CCSER1: variants seen among roughly 807,000 people sequenced by gnomAD.
CCSER1 encodes coiled-coil serine rich protein 1.
A neutral mutation model predicts 82.0 loss-of-function variants in CCSER1; 41 were observed. That is an observed-to-expected ratio of 0.50 (90% CI 0.39 to 0.65). The LOEUF is 0.65. Ranked by LOEUF, CCSER1 falls within the 30% of genes least tolerant of loss-of-function variation. CCSER1 has a pLI of 0.00. For synonymous variants in CCSER1, 414 were observed against 383.9 expected (o/e 1.08, Z -0.92); for missense variants, 1,119 against 1,064.2 (o/e 1.05, Z -0.72).
intron 5 of CCSER1, among the ~76,000 whole-genome samples, chr4:90,511,188 G>A (rs973925777): frequency 1.3e-5 from 2 of 152,154 alleles, no homozygotes; most frequent in Non-Finnish European, 2.9e-5. Flanking sequence ...GGGAGGCCAC[G>A]GCAAGCAGAT....
intron 10 of CCSER1, among the ~76,000 whole-genome samples, chr4:91,211,910 A>G (rs1736852693): frequency 6.6e-6 from 1 of 152,116 alleles, no homozygotes; most frequent in African/African-American, 2.4e-5. Flanking sequence ...AAATTTGTGG[A>G]AGAGAAATGG....
intron 10 of CCSER1, among the ~76,000 whole-genome samples, chr4:91,206,733 T>A (rs909625657): frequency 1.3e-5 from 2 of 151,814 alleles, no homozygotes; most frequent in African/African-American, 4.8e-5. Flanking sequence ...AGGCAAGAAA[T>A]ATTGGTAACA....
intron 7 of CCSER1, among the ~76,000 whole-genome samples, chr4:90,805,668 T>G (rs1757412353): frequency 6.6e-6 from 1 of 152,214 alleles, no homozygotes; most frequent in Non-Finnish European, 1.5e-5. Context: ...TATGGATAAT[T>G]ATTGAATTAA....
intron 1 of CCSER1, among the ~76,000 whole-genome samples, chr4:90,242,030 G>A (rs1013509408): frequency 6.6e-6 from 1 of 152,178 alleles, no homozygotes; most frequent in African/African-American, 2.4e-5. Flanking sequence ...GCATAGGCTG[G>A]GCGCAGTGGC....
intron 10 of CCSER1, among the ~76,000 whole-genome samples, chr4:91,552,852 G>A (rs1762222141): frequency 6.6e-6 from 1 of 151,250 alleles, no homozygotes. Context: ...TTTTTTATTT[G>A]GAGGTCTTTA....
At chr4:90,511,561 G>T (rs910696932) in intron 5 of CCSER1, among the ~76,000 whole-genome samples, 2 of 152,156 alleles carry the variant, frequency 1.3e-5, no homozygotes, top group African/African-American at 4.8e-5. Context: ...AACCAGTTTT[G>T]TTGTAAAGTG....
Position 91,170,891 on chromosome 4 carries a change from TATG to T in CCSER1, c.2217+84900_2217+84902del, listed in dbSNP as rs1389097717. The stretch of plus-strand genomic sequence containing the variant: ...CAGCTTATTGTACATGGTAAAGTTA[TATG>T]ATCTTTATCTTCCTATGCACAACCC... On this transcript the variant is annotated intron_variant, in intron 10 of 10. Coordinates refer to ENST00000509176, the MANE Select transcript of CCSER1 (RefSeq NM_001145065.2). 2.6e-5 allele frequency among the ~76,000 whole-genome samples: 4 copies of T among 152,342 alleles called. No individual in the cohort carries two copies. The East Asian group carries it at 5.8e-4, about 22-fold the overall frequency.
chr4:91,090,359 C>T (rs1988225), intron 10 of CCSER1, among the ~76,000 whole-genome samples: 100,961 of 151,976 alleles, frequency 0.66, 34,026 homozygotes, highest in East Asian at 0.95. Flanking sequence ...CCAGTCCTGG[C>T]GGAATTCTGG....
chr4:91,583,040 T>C (rs573823967), intron 10 of CCSER1, among the ~76,000 whole-genome samples: 3 of 151,394 alleles, frequency 2.0e-5, no homozygotes, highest in Non-Finnish European at 4.4e-5. Flanking sequence ...GCCTAAACTA[T>C]ATATGAAAGC....
At chr4:90,496,849 T>G (rs892988287) in intron 5 of CCSER1, among the ~76,000 whole-genome samples, 1 of 151,586 alleles carries the variant, frequency 6.6e-6, no homozygotes, top group Non-Finnish European at 1.5e-5. Flanking sequence ...TGGTGGCTCA[T>G]GCCTGTTGTT....
chr4:91,489,370 C>T (rs534843807), intron 10 of CCSER1, among the ~76,000 whole-genome samples: 40 of 152,032 alleles, frequency 2.6e-4, no homozygotes, highest in Non-Finnish European at 5.6e-4. Context: ...TTGTTTCTTA[C>T]AATGTTTTAT....
At chr4:91,189,771 A>G (rs1034444722) in intron 10 of CCSER1, among the ~76,000 whole-genome samples, 1 of 152,152 alleles carries the variant, frequency 6.6e-6, no homozygotes, top group East Asian at 1.9e-4. Flanking sequence ...ATTTATAGGT[A>G]TATGGATTTT....
chr4:90,767,690 A>T (rs13145320), intron 7 of CCSER1, among the ~76,000 whole-genome samples: 1 of 142,424 alleles, frequency 7.0e-6, no homozygotes, highest in Non-Finnish European at 1.6e-5. Flanking sequence ...ATTTTTTTTT[A>T]AAGGGTCTCG....
chr4:90,741,831 G>A (rs1746606781), intron 7 of CCSER1, among the ~76,000 whole-genome samples: 1 of 152,140 alleles, frequency 6.6e-6, no homozygotes, highest in African/African-American at 2.4e-5. Flanking sequence ...TATCATATAT[G>A]GATTCAGCAT....
chr4:90,197,087 C>G (rs1004104910), intron 1 of CCSER1, among the ~76,000 whole-genome samples: 2 of 152,130 alleles, frequency 1.3e-5, no homozygotes, highest in Admixed American at 6.6e-5. Flanking sequence ...AGGGTTCCCA[C>G]GACCCCCTCC....
chr4:90,652,358 T>C (rs1300560105), intron 6 of CCSER1, among the ~76,000 whole-genome samples: 2 of 152,192 alleles, frequency 1.3e-5, no homozygotes, highest in African/African-American at 4.8e-5. Flanking sequence ...TTGTATATGA[T>C]TGTAGAAATA....
At chr4:90,651,776 G>A (rs1728798443) in intron 6 of CCSER1, among the ~76,000 whole-genome samples, 2 of 152,090 alleles carry the variant, frequency 1.3e-5, no homozygotes, top group Admixed American at 6.6e-5. Context: ...GAAAGCTAAT[G>A]TCTCCTTCCA....
intron 9 of CCSER1, among the ~76,000 whole-genome samples, chr4:90,972,043 T>C (rs1735161351): frequency 6.6e-6 from 1 of 151,862 alleles, no homozygotes; most frequent in African/African-American, 2.4e-5. Context: ...CATTAAACAG[T>C]GAAAAGCTCT....
rs1738076766 is a variant in CCSER1 at position 91,225,313 on chromosome 4, GTAATATATA to G, written c.2217+139321_2217+139329del. ...ATATATATGTATATATATTATATATGTAATATATATGTATATATATTATATATGTAATAT... is the reference window on the plus strand; with the variant it reads ...ATATATATGTATATATATTATATATGTGTATATATATTATATATGTAATAT... On this transcript the variant is annotated intron_variant, in intron 10 of 10. Coordinates refer to ENST00000509176, the MANE Select transcript of CCSER1 (RefSeq NM_001145065.2). Among the ~76,000 whole-genome samples, 7 of 119,860 alleles carry G rather than the reference GTAATATATA, an allele frequency of 5.8e-5. No individual in the cohort carries two copies. The South Asian group carries it at 9.4e-4, about 16-fold the overall frequency. 78.6% of individuals were successfully genotyped at this position (119,860 alleles called of 152,430 possible).
Sources: gnomAD v4.1 joint callset for allele counts (sites outside exome capture counted in the v4.1 genomes callset) on GRCh38, gnomAD v4.1.1 for gene constraint, MANE v1.5 for transcripts, NCBI Gene and HGNC (gene_info 2026-07-23, HGNC 2026-07-21) for gene names.